The following FRK variants were observed in gnomAD, a reference collection of about 807,000 sequenced individuals.
FRK encodes the protein tyrosine-protein kinase FRK.
In FRK, 51 loss-of-function variants were observed where a neutral mutation model predicts 56.4. That is an observed-to-expected ratio of 0.90 (90% CI 0.72 to 1.14). The LOEUF is 1.14. Among genes scored for constraint, FRK ranks in the 50% most tolerant of loss-of-function variants. The probability of loss-of-function intolerance (pLI) is 0.00; values close to 1 mark genes in which losing one functional copy is unlikely to be tolerated. For missense variants in FRK, 570 were observed against 601.4 expected (o/e 0.95, Z 0.55); for synonymous variants, 245 against 217.9 (o/e 1.12, Z -1.10).
At chr6:115,986,972 A>C (rs995490964) in intron 2 of FRK, among the ~76,000 whole-genome samples, 1 of 152,114 alleles carries the variant, frequency 6.6e-6, no homozygotes, top group Non-Finnish European at 1.5e-5. Context: ...TGCTGAAGCT[A>C]CATCACAAAT....
chr6:116,035,989 C>G (rs902651697), intron 1 of FRK, among the ~76,000 whole-genome samples: 3 of 152,162 alleles, frequency 2.0e-5, no homozygotes, highest in East Asian at 1.9e-4. Context: ...TCATCTGGCT[C>G]TCTTTCTCAA....
intron 1 of FRK, among the ~76,000 whole-genome samples, chr6:116,053,520 G>A (rs1777258358): frequency 6.6e-6 from 1 of 152,102 alleles, no homozygotes; most frequent in African/African-American, 2.4e-5. Context: ...AGCAACACTA[G>A]GATGTATCTG....
chr6:116,075,732 A>G, the FRK span, among the ~76,000 whole-genome samples: 1 of 152,108 alleles, frequency 6.6e-6, no homozygotes, highest in Non-Finnish European at 1.5e-5. Context: ...TACCAGGATG[A>G]TATTACGGTC....
intron 1 of FRK, among the ~76,000 whole-genome samples, chr6:116,026,655 A>T (rs1776105872): frequency 1.3e-5 from 2 of 151,890 alleles, no homozygotes; most frequent in African/African-American, 4.8e-5. Context: ...AATGTCAGGG[A>T]TGTGGATAAG....
At chr6:116,083,507 G>A in the FRK span, among the ~76,000 whole-genome samples, 4 of 152,312 alleles carry the variant, frequency 2.6e-5, no homozygotes, top group African/African-American at 9.6e-5. Context: ...TAGTGCCTAA[G>A]TGAAGGGTTA....
At chr6:115,958,842 G>GAT (rs1773207561) in intron 4 of FRK, among the ~76,000 whole-genome samples, 1 of 110,370 alleles carries the variant, frequency 9.1e-6, no homozygotes, top group African/African-American at 3.4e-5. Flanking sequence ...GAAAGAAAGA[G>GAT]AAAGGAAAAA....
At chr6:116,057,008 C>T (rs1020948237) in intron 1 of FRK, among the ~76,000 whole-genome samples, 8 of 152,204 alleles carry the variant, frequency 5.3e-5, no homozygotes, top group African/African-American at 1.9e-4. Context: ...AAACAAACTG[C>T]AAACTAAAGC....
intron 1 of FRK, among the ~76,000 whole-genome samples, chr6:116,034,813 A>G (rs1776409227): frequency 6.6e-6 from 1 of 152,120 alleles, no homozygotes; most frequent in African/African-American, 2.4e-5. Flanking sequence ...TTATTTTATA[A>G]TTATGTTTGT....
At chr6:115,946,794 A>C (rs1480972236) in intron 5 of FRK, among the ~76,000 whole-genome samples, 1 of 151,874 alleles carries the variant, frequency 6.6e-6, no homozygotes, top group Non-Finnish European at 1.5e-5. Context: ...ACTTGTAACA[A>C]GTCAAAGGTT....
chr6:116,078,608 T>C, the FRK span, among the ~76,000 whole-genome samples: 1 of 152,208 alleles, frequency 6.6e-6, no homozygotes, highest in Non-Finnish European at 1.5e-5. Context: ...AGAGCTAACA[T>C]ACAGAAGAGT....
chr6:115,992,555 A>G (rs1013125154), intron 2 of FRK, among the ~76,000 whole-genome samples: 1 of 151,764 alleles, frequency 6.6e-6, no homozygotes, highest in Admixed American at 6.6e-5. Flanking sequence ...GAGGCCAGGA[A>G]AAAAAACAGT....
intron 1 of FRK, among the ~76,000 whole-genome samples, chr6:116,047,397 C>CT (rs796192091): frequency 9.4e-4 from 130 of 137,930 alleles, no homozygotes; most frequent in Middle Eastern, 3.7e-3. Context: ...TCCACTTCCT[C>CT]TTTTTTTTTT....
chr6:116,055,866 T>C (rs1777374896), intron 1 of FRK, among the ~76,000 whole-genome samples: 2 of 152,224 alleles, frequency 1.3e-5, no homozygotes, highest in South Asian at 4.1e-4. Flanking sequence ...CTAATTTTCT[T>C]AATAGAATCT....
chr6:115,979,919 T>A (rs942846731), intron 2 of FRK, among the ~76,000 whole-genome samples: 2 of 152,148 alleles, frequency 1.3e-5, no homozygotes, highest in African/African-American at 4.8e-5. Context: ...GTCCACACAA[T>A]GGACTCACCT....
chr6:116,081,385 A>C, the FRK span, among the ~76,000 whole-genome samples: 1 of 152,180 alleles, frequency 6.6e-6, no homozygotes, highest in Non-Finnish European at 1.5e-5. Flanking sequence ...GGCCAGGTGC[A>C]GTGGCTCACG....
intron 1 of FRK, among the ~76,000 whole-genome samples, chr6:116,029,242 C>A (rs1276389701): frequency 6.6e-6 from 1 of 152,142 alleles, no homozygotes; most frequent in African/African-American, 2.4e-5. Context: ...AAATGCTTCT[C>A]ATCTTCTAAT....
At chr6:116,020,495 T>G (rs2114733849) in intron 1 of FRK, among the ~76,000 whole-genome samples, 1 of 152,232 alleles carries the variant, frequency 6.6e-6, no homozygotes, top group East Asian at 1.9e-4. Context: ...TTCACCATGT[T>G]GGCCAGGCTG....
At chr6:115,967,794 G>A (rs1773647050) in intron 3 of FRK, 75 bp from the exon 4 acceptor site, 2 of 1,145,368 alleles carry the variant, frequency 1.7e-6, no homozygotes, top group Non-Finnish European at 2.4e-6. Context: ...GAAAATAATA[G>A]TCTAGGTACT....
At chr6:116,068,539 C>T in the FRK span, among the ~76,000 whole-genome samples, 19 of 152,174 alleles carry the variant, frequency 1.2e-4, no homozygotes, top group Admixed American at 1.1e-3. Flanking sequence ...CAGCTGAAAC[C>T]GTTGAAGAAC....
Sources: allele counts gnomAD v4.1 joint callset (sites outside exome capture counted in the v4.1 genomes callset), GRCh38; gene constraint gnomAD v4.1.1; transcripts MANE v1.5; gene names NCBI Gene and HGNC (gene_info 2026-07-23, HGNC 2026-07-21).